Variants in CBFB observed in about 807,000 individuals in gnomAD.
CBFB encodes CBF-beta.
A neutral mutation model predicts 30.4 loss-of-function variants in CBFB; 9 were observed. The ratio of observed to expected loss-of-function variants is 0.30; its 90% confidence interval spans 0.18 to 0.52. The LOEUF (loss-of-function observed/expected upper bound fraction) is 0.52, where lower values mean the gene tolerates loss of function less well. Ranked by LOEUF, CBFB falls within the 20% of genes least tolerant of loss-of-function variation. The pLI, the probability that CBFB is intolerant of heterozygous loss-of-function variation, is 0.97. For synonymous variants in CBFB, 94 were observed against 84.0 expected (o/e 1.12, Z -0.65); for missense variants, 170 against 244.0 (o/e 0.70, Z 2.02).
At chr16:67,054,421 C>T (rs896021585) in intron 3 of CBFB, among the ~76,000 whole-genome samples, 6 of 152,094 alleles carry the variant, frequency 3.9e-5, no homozygotes, top group Non-Finnish European at 1.5e-5. Flanking sequence ...AAATCTTTGT[C>T]TCCATGTTTT....
chr16:67,053,533 G>T (rs1015951381), intron 3 of CBFB, among the ~76,000 whole-genome samples: 4 of 151,994 alleles, frequency 2.6e-5, no homozygotes, highest in African/African-American at 9.7e-5. Flanking sequence ...GGGATTACAA[G>T]CGTGAGCCAC....
intron 4 of CBFB, among the ~76,000 whole-genome samples, chr16:67,078,308 G>A (rs1286373074): frequency 1.3e-5 from 2 of 152,206 alleles, no homozygotes; most frequent in Non-Finnish European, 2.9e-5. Flanking sequence ...AGCACTTTGG[G>A]AGGTTGAGGC....
At chr16:67,098,561 T>G (rs558967028) in intron 5 of CBFB, 149 bp from the exon 6 acceptor site, 17 of 537,046 alleles carry the variant, frequency 3.2e-5, no homozygotes, top group East Asian at 1.2e-4. Context: ...TTTTAATTGG[T>G]TTTTTTTTGC....
rs1209351610 is a variant in CBFB at position 67,029,300 on chromosome 16, G to A, written c.-108G>A. 3.3e-5 allele frequency: 22 copies of A among 668,686 alleles called. No individual in the cohort carries two copies. Among genetic ancestry groups the A allele is most frequent in the Non-Finnish European group, 4.7e-5 (22 of 470,234 alleles). The allele number at this position is 668,686 out of a possible 1,614,324, so 41.4% of individuals were successfully genotyped here. On this transcript the variant is annotated 5_prime_UTR_variant, in exon 1 of 6. Coordinates refer to ENST00000412916, the MANE Select transcript of CBFB (RefSeq NM_022845.3). ...GGGCGCCTGAAACAAAGGGAAGCGG[G>A]CGTCCGGGCGCCGCGGGTGGGCGGT...
intron 5 of CBFB, among the ~76,000 whole-genome samples, chr16:67,094,529 T>G (rs1407195505): frequency 2.6e-5 from 4 of 152,238 alleles, no homozygotes; most frequent in Non-Finnish European, 4.4e-5. Flanking sequence ...ATTAAAATAA[T>G]TTGAAAATTA....
chr16:67,050,971 C>T (rs959341829), intron 3 of CBFB, among the ~76,000 whole-genome samples: 1 of 152,106 alleles, frequency 6.6e-6, no homozygotes, highest in African/African-American at 2.4e-5. Flanking sequence ...GATGATTCAC[C>T]TCTCTGGAGA....
rs1367382972 is a variant in CBFB, at chr16:67,075,204, T to TAC, written c.400-7009_400-7008insAC. 3.5e-3 allele frequency among the ~76,000 whole-genome samples: 464 copies of TAC among 134,484 alleles called. 1 individual carries two copies. Among genetic ancestry groups the TAC allele is most frequent in the African/African-American group, 0.016 (422 of 26,826 alleles). 88.2% of individuals were successfully genotyped at this position (134,484 alleles called of 152,430 possible). A position where few individuals can be genotyped will look rare whatever the true frequency, so the allele number is the denominator to read the frequency against. ...GATTCTATCTCAAAAAAAATGTGTG[T>TAC]GTGTGTGTGTGTGTGTGTGTGTGTG... is the stretch of plus-strand genomic sequence containing the variant. On this transcript the variant is annotated intron_variant, in intron 4 of 5. Transcript: ENST00000412916.
intron 5 of CBFB, among the ~76,000 whole-genome samples, chr16:67,095,161 G>A (rs1465108235): frequency 7.9e-6 from 1 of 126,730 alleles, no homozygotes; most frequent in Non-Finnish European, 1.6e-5. Flanking sequence ...AGTGAGTTGA[G>A]ATCAGGCCAT....
intron 3 of CBFB, among the ~76,000 whole-genome samples, chr16:67,038,609 T>G (rs1020962394): frequency 6.6e-6 from 1 of 152,160 alleles, no homozygotes. Flanking sequence ...TGGTAATTCT[T>G]ACACAATATA....
At chr16:67,036,988 T>G (rs1966450535) in intron 3 of CBFB, among the ~76,000 whole-genome samples, 1 of 152,072 alleles carries the variant, frequency 6.6e-6, no homozygotes. Context: ...AATCTCCGCC[T>G]TCCAGTTTCA....
At position 67,082,215 on chromosome 16, in the gene CBFB, G is replaced by A. The variant is rs2145771402; in HGVS notation, c.402G>A (p.Gln134=). Residue 134 remains glutamine (Q), a splice_region_variant and synonymous_variant, in exon 5 of 6, where the codon CAG becomes CAA. Transcript: ENST00000412916. ...AGGTATTTCATGTATTCTGACAGCA[G>A]GAGGATGCATTAGCACAACAGGCCT... The part of the protein sequence containing the change: ...CLEFDEERAQ[Q]EDALAQQAFE... 1 of 1,586,408 alleles carries A rather than the reference G, an allele frequency of 6.3e-7. No homozygotes were observed. Among genetic ancestry groups the A allele is most frequent in the East Asian group, 2.2e-5 (1 of 44,502 alleles).
intron 4 of CBFB, among the ~76,000 whole-genome samples, chr16:67,076,506 AAAAG>A (rs1961400773): frequency 6.6e-6 from 1 of 152,200 alleles, no homozygotes; most frequent in Non-Finnish European, 1.5e-5. Context: ...TAGAAAGTAA[AAAAG>A]AGGCAAAATT....
chr16:67,030,109 GA>G, intron 2 of CBFB: 1 of 348,192 alleles, frequency 2.9e-6, no homozygotes, highest in Non-Finnish European at 5.1e-6. Context: ...CGGCGACACC[GA>G]AGAAGGGTTC....
chr16:67,029,647 A>T lies in CBFB; in HGVS notation c.79-80A>T, dbSNP rs528268253. 6 of 1,374,010 alleles carry T rather than the reference A, an allele frequency of 4.4e-6. 1 individual carries two copies. The South Asian group carries it at 6.2e-5, about 14-fold the overall frequency. 85.1% of individuals were successfully genotyped at this position (1,374,010 alleles called of 1,614,324 possible). A position where few individuals can be genotyped will look rare whatever the true frequency, so the allele number is the denominator to read the frequency against. The stretch of plus-strand genomic sequence containing the variant: ...TCGCCCGCAGCCTCTGCTTGCCCTT[A>T]TCGGCGCTGCGCTGGGAGGGCGGGC... On this transcript the variant is annotated intron_variant, in intron 1 of 5. Transcript: ENST00000412916.
chr16:67,049,893 A>G (rs931867019), intron 3 of CBFB, among the ~76,000 whole-genome samples: 1 of 152,132 alleles, frequency 6.6e-6, no homozygotes, highest in African/African-American at 2.4e-5. Flanking sequence ...ATTTTAGAAC[A>G]TATCTGGTGA....
intron 3 of CBFB, among the ~76,000 whole-genome samples, chr16:67,038,284 GTATATA>G (rs377342177): frequency 1.3e-5 from 2 of 148,990 alleles, no homozygotes; most frequent in Admixed American, 6.7e-5. Context: ...AATCTTGTGT[GTATATA>G]TATATATACA....
intron 5 of CBFB, among the ~76,000 whole-genome samples, chr16:67,086,104 A>AT (rs1477303116): frequency 6.6e-6 from 1 of 152,208 alleles, no homozygotes; most frequent in African/African-American, 2.4e-5. Context: ...ATGGAGGGAT[A>AT]TATGTGATAC....
At chr16:67,029,705 T>C in intron 1 of CBFB, 22 bp from the exon 2 acceptor site, 1 of 1,571,412 alleles carries the variant, frequency 6.4e-7, no homozygotes. Context: ...GGCTCCTGAT[T>C]TCGGGCCGTC....
At chr16:67,070,599 C>T (rs1319708352) in intron 4 of CBFB, among the ~76,000 whole-genome samples, 1 of 151,776 alleles carries the variant, frequency 6.6e-6, no homozygotes, top group Non-Finnish European at 1.5e-5. Context: ...CTTGTAATTC[C>T]AGCACTTGGA....
Sources: allele counts gnomAD v4.1 joint callset (sites outside exome capture counted in the v4.1 genomes callset), GRCh38; gene constraint gnomAD v4.1.1; transcripts MANE v1.5; gene names NCBI Gene and HGNC (gene_info 2026-07-23, HGNC 2026-07-21).